PTPRN2: variants seen among roughly 807,000 people sequenced by gnomAD.
The protein encoded by PTPRN2 is receptor-type tyrosine-protein phosphatase N2.
In PTPRN2, 74 loss-of-function variants were observed where a neutral mutation model predicts 118.8. That is an observed-to-expected ratio of 0.62 (90% CI 0.52 to 0.76). The LOEUF (loss-of-function observed/expected upper bound fraction) is 0.76, where lower values mean the gene tolerates loss of function less well. Among genes scored for constraint, PTPRN2 ranks in the 30% least tolerant of loss-of-function variants. The pLI, the probability that PTPRN2 is intolerant of heterozygous loss-of-function variation, is 0.00. For missense variants in PTPRN2, 1,481 were observed against 1,394.4 expected, an observed-to-expected ratio of 1.06 and a Z score of -0.99; for synonymous variants, 641 against 608.0, an observed-to-expected ratio of 1.05 and a Z score of -0.80.
chr7:157,988,461 A>G (rs952448706), intron 11 of PTPRN2, among the ~76,000 whole-genome samples: 1 of 152,222 alleles, frequency 6.6e-6, no homozygotes, highest in Non-Finnish European at 1.5e-5. Flanking sequence ...ATGGCCCCAC[A>G]GGAGGGTTCC....
chr7:158,203,425 T>C (rs944436107), intron 4 of PTPRN2, among the ~76,000 whole-genome samples: 2 of 152,166 alleles, frequency 1.3e-5, no homozygotes, highest in Non-Finnish European at 2.9e-5. Flanking sequence ...TAATAAAAAC[T>C]GGCAATTTTT....
chr7:158,153,483 C>T (rs939901617), intron 6 of PTPRN2, among the ~76,000 whole-genome samples: 5 of 152,162 alleles, frequency 3.3e-5, no homozygotes, highest in Admixed American at 6.5e-5. Flanking sequence ...CTAGACACTG[C>T]CATGGGGTCT....
At chr7:158,401,194 C>G (rs560492113) in intron 2 of PTPRN2, among the ~76,000 whole-genome samples, 3 of 146,580 alleles carry the variant, frequency 2.0e-5, no homozygotes, top group Admixed American at 1.3e-4. Context: ...ACCTGGAAGG[C>G]GGGCTCCAAG....
chr7:158,283,946 G>T (rs1799601202), intron 3 of PTPRN2, among the ~76,000 whole-genome samples: 1 of 152,182 alleles, frequency 6.6e-6, no homozygotes, highest in Admixed American at 6.5e-5. Flanking sequence ...CCTCAGGAGG[G>T]CTGTGTCCTG....
At chr7:158,216,149 T>C (rs73746429) in intron 3 of PTPRN2, among the ~76,000 whole-genome samples, 1,592 of 152,284 alleles carry the variant, frequency 0.01, 27 homozygotes, top group African/African-American at 0.035. Flanking sequence ...GGTAAAATTA[T>C]GACACCAGTA....
chr7:158,116,962 C>T (rs978386569), intron 9 of PTPRN2, among the ~76,000 whole-genome samples: 1 of 152,092 alleles, frequency 6.6e-6, no homozygotes, highest in Non-Finnish European at 1.5e-5. Context: ...TATGGAGAGA[C>T]AATCTGATTT....
chr7:158,401,698 T>A (rs1443521656), intron 2 of PTPRN2, among the ~76,000 whole-genome samples: 1 of 152,254 alleles, frequency 6.6e-6, no homozygotes, highest in African/African-American at 2.4e-5. Context: ...GATGATCTGA[T>A]AATGCACAAA....
chr7:157,975,417 C>A (rs1386641398), intron 11 of PTPRN2, among the ~76,000 whole-genome samples: 1 of 152,228 alleles, frequency 6.6e-6, no homozygotes, highest in Non-Finnish European at 1.5e-5. Flanking sequence ...GTGATGTCGG[C>A]TCAGGTCACC....
chr7:157,782,375 A>T (rs1803733251), intron 12 of PTPRN2, among the ~76,000 whole-genome samples: 1 of 152,234 alleles, frequency 6.6e-6, no homozygotes, highest in Non-Finnish European at 1.5e-5. Flanking sequence ...CGGTTCCAGC[A>T]GGCGTCTGGG....
Position 157,729,032 on chromosome 7 carries a change from G to T in PTPRN2, c.1789-46095C>A, listed in dbSNP as rs1044861570. ...TCCAGTCACACAGAGGTCGGTCGTT[G>T]TCTGGACACAGACAATGGGAATCTG... On this transcript the variant is annotated intron_variant, in intron 12 of 22. Coordinates refer to ENST00000389418, the MANE Select transcript of PTPRN2 (RefSeq NM_002847.5). The surrounding 1 kb of genome is among the most constrained non-coding windows in gnomAD (Gnocchi z 4.3). 1.3e-5 allele frequency among the ~76,000 whole-genome samples: 2 copies of T among 152,212 alleles called. No homozygotes were observed. Among genetic ancestry groups the T allele is most frequent in the South Asian group, 4.1e-4 (2 of 4,830 alleles).
intron 12 of PTPRN2, among the ~76,000 whole-genome samples, chr7:157,812,730 GTA>G (rs1806134552): frequency 6.6e-6 from 1 of 152,042 alleles, no homozygotes; most frequent in African/African-American, 2.4e-5. Context: ...TCCATTTAAC[GTA>G]TAGCCAAGGA....
chr7:157,682,771 G>C lies in PTPRN2; in HGVS notation c.1955C>G (p.Ser652Trp), dbSNP rs1006374003. The change falls in exon 13 of 23, where the codon TCG becomes TGG. Residue 652 changes from serine to tryptophan, a missense_variant. By Grantham distance (177) the Ser-to-Trp change is radical. Around this residue, in one of 3 missense-constraint regions of PTPRN2, gnomAD observed 1,115 missense variants for 994.2 expected, o/e 1.12. Coordinates refer to ENST00000389418, the MANE Select transcript of PTPRN2 (RefSeq NM_002847.5). ...TGCACCTGGGTCGCCCCCTAGTCCC[G>C]AGAGCTTCTCCTTCAGCCTGTGCTG... ...SSQHRLKEKL[S>W]GLGGDPGADA... 1 of 1,613,936 alleles carries C rather than the reference G, an allele frequency of 6.2e-7. No individual in the cohort carries two copies. Among genetic ancestry groups the C allele is most frequent in the African/African-American group, 1.3e-5 (1 of 74,932 alleles).
chr7:157,927,815 C>A (rs1158035721), intron 11 of PTPRN2, among the ~76,000 whole-genome samples: 7 of 152,020 alleles, frequency 4.6e-5, no homozygotes, highest in African/African-American at 1.7e-4. Context: ...GGGTTTGTGA[C>A]CAGGTCAGGC....
chr7:157,575,366 C>G (rs543030790), intron 19 of PTPRN2, among the ~76,000 whole-genome samples: 30 of 152,024 alleles, frequency 2.0e-4, no homozygotes, highest in Non-Finnish European at 3.7e-4. Context: ...GAGCCGTGTA[C>G]AGTAGTTGTT....
In PTPRN2 at chr7:157,713,733, T is replaced by G. The variant is rs193219666; in HGVS notation, c.1789-30796A>C. 9.2e-5 allele frequency among the ~76,000 whole-genome samples: 14 copies of G among 152,214 alleles called. No homozygotes were observed. In the East Asian group the frequency reaches 2.5e-3, roughly 27 times the overall value. On this transcript the variant is annotated intron_variant, in intron 12 of 22. Coordinates refer to ENST00000389418, the MANE Select transcript of PTPRN2 (RefSeq NM_002847.5). Reference sequence around the variant, plus strand: ...CGTCTTTCCCAACTCTGCCAATCCCTCAGACATTCCCGACAGCTGTGGCCA... The same window carrying G: ...CGTCTTTCCCAACTCTGCCAATCCCGCAGACATTCCCGACAGCTGTGGCCA...
Position 157,651,069 on chromosome 7 carries a change from G to A in PTPRN2, c.2196+5288C>T, listed in dbSNP as rs1366304087. On this transcript the variant is annotated intron_variant, in intron 14 of 22. Coordinates refer to ENST00000389418, the MANE Select transcript of PTPRN2 (RefSeq NM_002847.5). ...TCGCCAGCACAGACACGCATCACGC[G>A]TCTCACGCTGGGAGTTCAGAAACCC... Among the ~76,000 whole-genome samples, 5 of 152,234 alleles carry A rather than the reference G, an allele frequency of 3.3e-5. No individual in the cohort carries two copies. The East Asian group carries it at 5.8e-4, about 18-fold the overall frequency.
At chr7:158,329,296 G>C (rs1478786637) in intron 2 of PTPRN2, among the ~76,000 whole-genome samples, 3 of 152,322 alleles carry the variant, frequency 2.0e-5, no homozygotes, top group Admixed American at 2.0e-4. Flanking sequence ...AGCCAGTCAT[G>C]CCTCCCTCAC....
intron 12 of PTPRN2, among the ~76,000 whole-genome samples, chr7:157,742,963 C>A (rs559082604): frequency 1.3e-5 from 2 of 152,358 alleles, no homozygotes; most frequent in African/African-American, 4.8e-5. Flanking sequence ...ATTGCATGAA[C>A]GTGATGCATG....
In PTPRN2 at chr7:158,467,633, G is replaced by T. The variant is rs137980682; in HGVS notation, c.163+22102C>A. On this transcript the variant is annotated intron_variant, in intron 2 of 22. Coordinates refer to ENST00000389418, the MANE Select transcript of PTPRN2 (RefSeq NM_002847.5). The stretch of plus-strand genomic sequence containing the variant: ...GGGCAGATTTTTGAGAACGGTGTAA[G>T]GTAAGGTCCCATTTCATTCTTTTGA... 2.0e-4 allele frequency among the ~76,000 whole-genome samples: 30 copies of T among 152,248 alleles called. 1 individual carries two copies. The East Asian group carries it at 2.3e-3, about 12-fold the overall frequency.
Sources: allele counts gnomAD v4.1 joint callset (sites outside exome capture counted in the v4.1 genomes callset), GRCh38; gene constraint gnomAD v4.1.1; regional missense constraint gnomAD v4.1.1; non-coding constraint Gnocchi (gnomAD v3.1); transcripts MANE v1.5; gene names NCBI Gene and HGNC (gene_info 2026-07-23, HGNC 2026-07-21).